The following PDE6A variants were observed in gnomAD, a reference collection of about 807,000 sequenced individuals.
The protein encoded by PDE6A is phosphodiesterase 6A, also known as rod cGMP-specific 3',5'-cyclic phosphodiesterase subunit alpha.
PDE6A carries 84 observed loss-of-function variants against 106.3 expected under a neutral mutation model. The ratio of observed to expected loss-of-function variants is 0.79; its 90% CI spans 0.66 to 0.95. The LOEUF (loss-of-function observed/expected upper bound fraction) is 0.95. Ranked by LOEUF, PDE6A falls within the 40% of genes least tolerant of loss-of-function variation. The pLI is 0.00. For missense variants in PDE6A, 1,052 were observed against 1,084.9 expected, an observed-to-expected ratio of 0.97 and a Z score of 0.43; for synonymous variants, 394 against 386.6, an observed-to-expected ratio of 1.02 and a Z score of -0.23.
intron 14 of PDE6A, 83 bp downstream of exon 14, chr5:149,886,182 T>C (rs1752291236): frequency 2.0e-6 from 2 of 1,012,964 alleles, no homozygotes; most frequent in Admixed American, 3.6e-5. Context: ...GACTTCCCTG[T>C]TGGCCAGTGA....
chr5:149,930,649 A>G (rs769705941), intron 4 of PDE6A, among the ~76,000 whole-genome samples: 15 of 152,242 alleles, frequency 9.9e-5, no homozygotes, highest in Non-Finnish European at 1.5e-4. Context: ...GATAAATTGC[A>G]GCAAAGCTTT....
intron 17 of PDE6A, among the ~76,000 whole-genome samples, chr5:149,870,861 G>GAGAAAGAGAA (rs772764581): frequency 7.9e-6 from 1 of 126,922 alleles, no homozygotes; most frequent in East Asian, 2.1e-4. Context: ...AAGAAAGAAA[G>GAGAAAGAGAA]AGAAAGAGAA....
intron 13 of PDE6A, among the ~76,000 whole-genome samples, chr5:149,889,808 G>A (rs571806394): frequency 6.6e-6 from 1 of 151,418 alleles, no homozygotes; most frequent in East Asian, 2.0e-4. Context: ...TGGGGAGGCT[G>A]AGACAGGAGA....
Position 149,859,402 on chromosome 5 carries a change from A to G in PDE6A, c.*1493T>C, listed in dbSNP as rs902854788. On this transcript the variant is annotated 3_prime_UTR_variant, in exon 22 of 22. Coordinates refer to ENST00000255266, the MANE Select transcript of PDE6A (RefSeq NM_000440.3). ...TGGCATCACAAGTTGGGTGTCCCAG[A>G]AAGCAGACTCTAAAATGGACTTAGT... The G allele has an allele frequency of 3.3e-5, 5 of 152,256 alleles. No homozygotes were observed. The highest frequency in any genetic ancestry group is 2.6e-4 in the Admixed American group (4 of 15,290). The allele number at this position is 152,256 out of a possible 1,614,324, so 9.4% of individuals were successfully genotyped here.
chr5:149,927,093 G>A (rs1218253104), intron 4 of PDE6A, among the ~76,000 whole-genome samples: 1 of 152,056 alleles, frequency 6.6e-6, no homozygotes, highest in Non-Finnish European at 1.5e-5. Flanking sequence ...GTTTCTTTGG[G>A]CAATTTTGTC....
intron 1 of PDE6A, among the ~76,000 whole-genome samples, chr5:149,937,832 A>G (rs1754227389): frequency 6.6e-6 from 1 of 152,208 alleles, no homozygotes; most frequent in African/African-American, 2.4e-5. Flanking sequence ...CAGACAACTG[A>G]CATATATTAT....
Position 149,884,878 on chromosome 5 carries a change from AAG to A in PDE6A, c.1839-13_1839-12del, listed in dbSNP as rs1314217225. 1.9e-6 allele frequency: 3 copies of A among 1,602,244 alleles called. No individual in the cohort carries two copies. The highest frequency in any genetic ancestry group is 2.6e-6 in the Non-Finnish European group (3 of 1,169,300). ...AGTGGGTTCTGGGATCTGAATGAGA[AAG>A]AGAGAGAATCAATATGGAGTGGACA... On this transcript the variant is annotated splice_polypyrimidine_tract_variant and intron_variant, in intron 14 of 21. Transcript: ENST00000255266.
chr5:149,935,663 T>C (rs958926481), intron 1 of PDE6A, among the ~76,000 whole-genome samples: 3 of 152,210 alleles, frequency 2.0e-5, no homozygotes, highest in Non-Finnish European at 4.4e-5. Context: ...TGGTGGACCA[T>C]GCGGTCAGGA....
In PDE6A at chr5:149,944,364, C is replaced by T. The variant is rs1030770784; in HGVS notation, c.310G>A (p.Gly104Ser). 2 of 1,614,124 alleles carry T rather than the reference C, an allele frequency of 1.2e-6. No homozygotes were observed. The highest frequency in any genetic ancestry group is 4.5e-5 in the East Asian group (2 of 44,876). The change falls in exon 1 of 22, where the codon GGC becomes AGC. Residue 104 changes from glycine (G) to serine (S), a missense_variant. By Grantham distance (56) the Gly-to-Ser change is moderately conservative. Transcript: ENST00000255266. ...MSLFMYRTRN[G>S]IAELATRLFN... Reference sequence around the variant, plus strand: ...AGCCTGGTGGCCAGCTCTGCGATGCCATTGCGGGTCCGGTACATGAACAGG... The same window carrying T: ...AGCCTGGTGGCCAGCTCTGCGATGCTATTGCGGGTCCGGTACATGAACAGG...
chr5:149,917,506 G>T (rs150768826), intron 5 of PDE6A, among the ~76,000 whole-genome samples: 1,589 of 152,222 alleles, frequency 0.01, 98 homozygotes, highest in Admixed American at 0.096. Flanking sequence ...TAAGGGAGAG[G>T]CTCTGCTGCT....
chr5:149,943,011 C>T (rs1032496225), intron 1 of PDE6A, among the ~76,000 whole-genome samples: 2 of 151,648 alleles, frequency 1.3e-5, no homozygotes, highest in African/African-American at 4.8e-5. Flanking sequence ...AGGCCTTCCT[C>T]TTTCACTAAT....
chr5:149,878,746 C>T (rs747626513), intron 17 of PDE6A, among the ~76,000 whole-genome samples: 1 of 152,224 alleles, frequency 6.6e-6, no homozygotes, highest in Non-Finnish European at 1.5e-5. Flanking sequence ...TTTATAATCA[C>T]CGTCTTTTCA....
chr5:149,897,647 C>T (rs866503869), intron 10 of PDE6A, among the ~76,000 whole-genome samples: 9 of 152,288 alleles, frequency 5.9e-5, no homozygotes, highest in East Asian at 1.9e-4. Context: ...GTGGCAATCA[C>T]GGCTCACTGC....
intron 4 of PDE6A, among the ~76,000 whole-genome samples, chr5:149,927,501 C>G (rs1156801922): frequency 1.3e-5 from 2 of 152,222 alleles, no homozygotes; most frequent in East Asian, 3.9e-4. Context: ...CAGATTCGGA[C>G]TCCTGGTCTC....
chr5:149,873,332 C>CTT (rs527562371), intron 17 of PDE6A, among the ~76,000 whole-genome samples: 109 of 137,284 alleles, frequency 7.9e-4, no homozygotes, highest in Middle Eastern at 3.6e-3. Flanking sequence ...ATGAGATACT[C>CTT]TTTTTTTTTT....
chr5:149,914,035 G>A (rs1319235440), intron 6 of PDE6A, among the ~76,000 whole-genome samples: 5 of 152,110 alleles, frequency 3.3e-5, no homozygotes, highest in African/African-American at 1.2e-4. Context: ...CTTTTGCTTT[G>A]CCTCCTTCAA....
intron 14 of PDE6A, among the ~76,000 whole-genome samples, chr5:149,885,501 A>G (rs1752261691): frequency 6.6e-6 from 1 of 152,216 alleles, no homozygotes; most frequent in Non-Finnish European, 1.5e-5. Flanking sequence ...TAAGCTCTGT[A>G]AGGACAGGAG....
intron 17 of PDE6A, among the ~76,000 whole-genome samples, chr5:149,876,768 C>T (rs901609630): frequency 6.6e-6 from 1 of 152,140 alleles, no homozygotes; most frequent in Non-Finnish European, 1.5e-5. Flanking sequence ...AGCCTCCCCA[C>T]CATGCCCAGT....
chr5:149,899,007 A>T (rs30821), intron 9 of PDE6A, among the ~76,000 whole-genome samples: 2 of 152,014 alleles, frequency 1.3e-5, no homozygotes, highest in Non-Finnish European at 2.9e-5. Flanking sequence ...AGGACCACAG[A>T]TATGCGCTAC....
Sources: gnomAD v4.1 joint callset for allele counts (sites outside exome capture counted in the v4.1 genomes callset) on GRCh38, gnomAD v4.1.1 for gene constraint, MANE v1.5 for transcripts, NCBI Gene and HGNC (gene_info 2026-07-23, HGNC 2026-07-21) for gene names.